Variants in PTPRD observed in about 807,000 individuals in gnomAD.
The protein encoded by PTPRD is protein tyrosine phosphatase receptor type D.
A neutral mutation model predicts 214.5 loss-of-function variants in PTPRD; 34 were observed. That is an observed-to-expected ratio of 0.16 (90% CI 0.12 to 0.21). The LOEUF is 0.21. PTPRD is among the 10% of genes least tolerant of loss of function. The pLI is 1.00. For missense variants in PTPRD, 2,545 were observed against 2,398.7 expected (o/e 1.06, Z -1.27); for synonymous variants, 1,128 against 845.7 (o/e 1.33, Z -5.79).
At chr9:9,815,545 G>A (rs774263477) in intron 5 of PTPRD, among the ~76,000 whole-genome samples, 5 of 151,950 alleles carry the variant, frequency 3.3e-5, no homozygotes, top group Non-Finnish European at 5.9e-5. Context: ...CTTCTACACA[G>A]CAAAGGAAAC....
intron 3 of PTPRD, among the ~76,000 whole-genome samples, chr9:10,292,700 C>A (rs993160903): frequency 1.3e-5 from 2 of 151,668 alleles, no homozygotes; most frequent in Non-Finnish European, 2.9e-5. Flanking sequence ...TTTTTAACCA[C>A]CTGAAATCAT....
chr9:9,520,733 T>C (rs1369511874), intron 8 of PTPRD, among the ~76,000 whole-genome samples: 1 of 152,198 alleles, frequency 6.6e-6, no homozygotes, highest in Non-Finnish European at 1.5e-5. Flanking sequence ...ACTTCTCTCA[T>C]TTTAATTGAA....
At chr9:9,045,964 G>T (rs1569501118) in intron 10 of PTPRD, among the ~76,000 whole-genome samples, 1 of 152,058 alleles carries the variant, frequency 6.6e-6, no homozygotes, top group Non-Finnish European at 1.5e-5. Flanking sequence ...CAGCTGCCTC[G>T]GTTCTGCACA....
intron 5 of PTPRD, among the ~76,000 whole-genome samples, chr9:9,851,552 A>G (rs1332635525): frequency 3.9e-5 from 6 of 152,264 alleles, no homozygotes; most frequent in Non-Finnish European, 8.8e-5. Flanking sequence ...ATTATTTACA[A>G]AAGGTGTAAA....
rs76535679 is a variant in PTPRD at position 10,269,463 on chromosome 9, T to C, written c.-545+71500A>G. Among the ~76,000 whole-genome samples, 892 of 152,204 alleles carry C rather than the reference T, an allele frequency of 5.9e-3. 11 individuals carry two copies. Among genetic ancestry groups the C allele is most frequent in the African/African-American group, 0.02 (841 of 41,534 alleles). ...CAACAAATATACATATTTGCCCTGT[T>C]CTGAGGGTTGCTTTCATCATTATAC... On this transcript the variant is annotated intron_variant, in intron 3 of 45. Coordinates refer to ENST00000381196, the MANE Select transcript of PTPRD (RefSeq NM_002839.4).
chr9:8,520,213 T>C (rs2097860833), intron 20 of PTPRD, among the ~76,000 whole-genome samples: 1 of 152,216 alleles, frequency 6.6e-6, no homozygotes, highest in Non-Finnish European at 1.5e-5. Flanking sequence ...GTTTTATGTC[T>C]GTAATGTACG....
intron 11 of PTPRD, among the ~76,000 whole-genome samples, chr9:8,856,136 T>C (rs2097911713): frequency 6.6e-6 from 1 of 152,192 alleles, no homozygotes; most frequent in African/African-American, 2.4e-5. Context: ...GCAGAATATA[T>C]GTTCAAAGTA....
intron 2 of PTPRD, among the ~76,000 whole-genome samples, chr9:10,506,291 C>T (rs1566595338): frequency 6.6e-6 from 1 of 151,926 alleles, no homozygotes; most frequent in African/African-American, 2.4e-5. Flanking sequence ...ATACCTGTTC[C>T]CCAAATTCTC....
chr9:10,573,306 A>G (rs183001638), intron 2 of PTPRD, among the ~76,000 whole-genome samples: 10 of 152,332 alleles, frequency 6.6e-5, no homozygotes, highest in Admixed American at 5.9e-4. Context: ...CAATAAATCT[A>G]TTCCTGTTTG....
chr9:10,272,469 C>A (rs1273251875), intron 3 of PTPRD, among the ~76,000 whole-genome samples: 1 of 152,106 alleles, frequency 6.6e-6, no homozygotes, highest in Non-Finnish European at 1.5e-5. Context: ...TATAACCAGG[C>A]ATGGATTGCT....
chr9:10,490,238 G>A (rs1252181589), intron 2 of PTPRD, among the ~76,000 whole-genome samples: 1 of 152,126 alleles, frequency 6.6e-6, no homozygotes, highest in Non-Finnish European at 1.5e-5. Flanking sequence ...GGGAACTAAT[G>A]ACATCCTTTA....
At chr9:9,689,180 G>C (rs2097218252) in intron 7 of PTPRD, among the ~76,000 whole-genome samples, 1 of 151,678 alleles carries the variant, frequency 6.6e-6, no homozygotes, top group Non-Finnish European at 1.5e-5. Context: ...TTCACGACCA[G>C]AGACTACTTA....
chr9:9,948,894 T>A (rs934799892), intron 4 of PTPRD, among the ~76,000 whole-genome samples: 1 of 152,044 alleles, frequency 6.6e-6, no homozygotes, highest in Non-Finnish European at 1.5e-5. Flanking sequence ...CAGTCAAATT[T>A]TGAGCTATTT....
chr9:8,740,021 T>C (rs559226743), intron 11 of PTPRD, among the ~76,000 whole-genome samples: 2 of 152,334 alleles, frequency 1.3e-5, no homozygotes, highest in South Asian at 4.1e-4. Context: ...GGTATGTCTT[T>C]ATCAACAGTG....
intron 11 of PTPRD, among the ~76,000 whole-genome samples, chr9:8,824,411 C>T (rs2097136305): frequency 6.6e-6 from 1 of 152,118 alleles, no homozygotes; most frequent in Non-Finnish European, 1.5e-5. Flanking sequence ...GGGTCTCTTG[C>T]ATTCACGGTA....
chr9:10,068,248 A>G lies in PTPRD; in HGVS notation c.-544-34458T>C, dbSNP rs113680767. On this transcript the variant is annotated intron_variant, in intron 3 of 45. Coordinates refer to ENST00000381196, the MANE Select transcript of PTPRD (RefSeq NM_002839.4). ...ATTCCAAATCTGCCATTTGCTGGAT[A>G]ACCGAATGTGGAAAAGGTGGTGAAA... Among the ~76,000 whole-genome samples the G allele has an allele frequency of 3.2e-4, 48 of 152,050 alleles. 2 individuals carry two copies. Among genetic ancestry groups the G allele is most frequent in the African/African-American group, 1.1e-3 (47 of 41,524 alleles).
chr9:8,489,049 C>G lies in PTPRD; in HGVS notation c.2468-2700G>C, dbSNP rs115982019. ...GGATAAATAAAAATAATTTTTTGAT[C>G]TAAACCACAAATAGAGACTGCATTC... On this transcript the variant is annotated intron_variant, in intron 27 of 45. Coordinates refer to ENST00000381196, the MANE Select transcript of PTPRD (RefSeq NM_002839.4). Among the ~76,000 whole-genome samples, 644 of 152,218 alleles carry G rather than the reference C, an allele frequency of 4.2e-3. 7 individuals are homozygous for G. The highest frequency in any genetic ancestry group is 0.015 in the African/African-American group (632 of 41,550).
At chr9:9,078,208 C>A (rs890212214) in intron 10 of PTPRD, among the ~76,000 whole-genome samples, 2 of 151,952 alleles carry the variant, frequency 1.3e-5, no homozygotes, top group Non-Finnish European at 2.9e-5. Flanking sequence ...ATGTAAACGT[C>A]ATTAATTATT....
At chr9:10,271,037 T>C (rs574548454) in intron 3 of PTPRD, among the ~76,000 whole-genome samples, 2 of 152,064 alleles carry the variant, frequency 1.3e-5, no homozygotes, top group East Asian at 3.9e-4. Context: ...GTTGCCCAGG[T>C]TGGTCTTGAA....
Sources: allele counts gnomAD v4.1 joint callset (sites outside exome capture counted in the v4.1 genomes callset), GRCh38; gene constraint gnomAD v4.1.1; transcripts MANE v1.5; gene names NCBI Gene and HGNC (gene_info 2026-07-23, HGNC 2026-07-21).